The following MYOCD variants were observed in gnomAD, a reference collection of about 807,000 sequenced individuals.
The protein encoded by MYOCD is myocardin.
MYOCD carries 32 observed loss-of-function variants against 96.1 expected under a neutral mutation model. That is an observed-to-expected ratio of 0.33 (90% CI 0.25 to 0.45). The LOEUF is 0.45. Ranked by LOEUF, MYOCD falls within the 20% of genes least tolerant of loss-of-function variation. MYOCD has a pLI of 1.00. For synonymous variants in MYOCD, 469 were observed against 469.0 expected (o/e 1.00, Z 0.00); for missense variants, 1,133 against 1,200.6 (o/e 0.94, Z 0.83).
intron 2 of MYOCD, 113 bp from the exon 3 acceptor site, chr17:12,715,406 A>G (rs2031608937): frequency 1.3e-6 from 1 of 759,376 alleles, no homozygotes; most frequent in Non-Finnish European, 2.1e-6. Context: ...TGGCCTAATA[A>G]AGGCAATCAC....
chr17:12,758,337 C>A, intron 12 of MYOCD, 124 bp downstream of exon 12: 1 of 1,352,206 alleles, frequency 7.4e-7, no homozygotes, highest in Non-Finnish European at 1.0e-6. Flanking sequence ...GCCATACCAC[C>A]AAAATAAGCA....
intron 2 of MYOCD, among the ~76,000 whole-genome samples, chr17:12,709,684 C>G (rs1231002177): frequency 6.6e-6 from 1 of 152,184 alleles, no homozygotes; most frequent in Non-Finnish European, 1.5e-5. Flanking sequence ...TTGCCATCAT[C>G]AACCAGGATT....
At chr17:12,729,330 G>C (rs750852017) in intron 5 of MYOCD, among the ~76,000 whole-genome samples, 5 of 152,186 alleles carry the variant, frequency 3.3e-5, no homozygotes, top group Non-Finnish European at 7.3e-5. Context: ...GTTGGAGCGT[G>C]TGGGAGTGGC....
intron 1 of MYOCD, among the ~76,000 whole-genome samples, chr17:12,698,459 T>C (rs974075820): frequency 1.3e-5 from 2 of 152,186 alleles, no homozygotes; most frequent in Non-Finnish European, 2.9e-5. Flanking sequence ...AAATTGAGTT[T>C]ATCTCCCCAG....
In MYOCD at chr17:12,722,924, A is replaced by C. The variant is rs1177590463; in HGVS notation, c.331A>C (p.Lys111Gln). The change falls in exon 5 of 14, where the codon AAA becomes CAA. Residue 111 changes from lysine (K) to glutamine (Q), a missense_variant. Coordinates refer to ENST00000425538, the MANE Select transcript of MYOCD (RefSeq NM_001146312.3). Reference sequence around the variant, plus strand: ...CCGACTCGCCGATGATCTCAATGAAAAAATTGCTCTACGACCAGGGCCACT... The same window carrying C: ...CCGACTCGCCGATGATCTCAATGAACAAATTGCTCTACGACCAGGGCCACT... Reference protein sequence around the residue: ...RARLADDLNEKIALRPGPLEL... With the variant: ...RARLADDLNEQIALRPGPLEL... The C allele has an allele frequency of 3.1e-6, 5 of 1,614,038 alleles. No homozygotes were observed. In the South Asian group the frequency reaches 5.5e-5, roughly 18 times the overall value.
Position 12,763,263 on chromosome 17 carries a change from T to C in MYOCD, c.2580T>C (p.Asn860=). Residue 860 remains asparagine, a synonymous_variant, in exon 14 of 14, where the codon AAT becomes AAC. Coordinates refer to ENST00000425538, the MANE Select transcript of MYOCD (RefSeq NM_001146312.3). ...DSDEHLEVLL[N]SQSPLGKMSD... ...ATGAGCATCTTGAAGTCTTATTAAA[T>C]TCCCAGAGCCCCCTAGGAAAGATGA... The C allele has an allele frequency of 6.2e-7, 1 of 1,613,790 alleles. No individual in the cohort carries two copies. Among genetic ancestry groups the C allele is most frequent in the Non-Finnish European group, 8.5e-7 (1 of 1,179,864 alleles).
chr17:12,665,987 T>G lies in MYOCD; in HGVS notation c.-202T>G. ...GGAGGAGGGTCCCGCCGGCTAAGAGTTAATTAGCCCCGCACGGCGAGGGGG... is the reference window on the plus strand; with the variant it reads ...GGAGGAGGGTCCCGCCGGCTAAGAGGTAATTAGCCCCGCACGGCGAGGGGG... On this transcript the variant is annotated 5_prime_UTR_variant, in exon 1 of 14. Coordinates refer to ENST00000425538, the MANE Select transcript of MYOCD (RefSeq NM_001146312.3). The surrounding 1 kb of genome is among the most constrained non-coding windows in gnomAD (Gnocchi z 4.2). 4 of 523,492 alleles carry G rather than the reference T, an allele frequency of 7.6e-6. No individual in the cohort carries two copies. The highest frequency in any genetic ancestry group is 2.0e-5 in the African/African-American group (1 of 51,176). 32.4% of individuals were successfully genotyped at this position (523,492 alleles called of 1,614,324 possible).
intron 2 of MYOCD, among the ~76,000 whole-genome samples, chr17:12,714,652 A>G (rs1303832059): frequency 6.6e-6 from 1 of 152,166 alleles, no homozygotes; most frequent in African/African-American, 2.4e-5. Context: ...ATGATGTTCT[A>G]CTTCTTTGCT....
In MYOCD at chr17:12,752,509, C is replaced by G. The variant is rs1302596797; in HGVS notation, c.1221C>G (p.Cys407Trp). The change falls in exon 10 of 14, where the codon TGC becomes TGG. Residue 407 changes from cysteine (C) to tryptophan (W), a missense_variant. Coordinates refer to ENST00000425538, the MANE Select transcript of MYOCD (RefSeq NM_001146312.3). The part of the protein sequence containing the change: ...LMDRLRPFQD[C>W]SGNPVPNFGD... ...ACCGGCTTCGACCCTTCCAGGACTG[C>G]TCTGGCAACCCAGTGCCGAACTTTG... 1 of 1,614,086 alleles carries G rather than the reference C, an allele frequency of 6.2e-7. No individual in the cohort carries two copies. The highest frequency in any genetic ancestry group is 2.2e-5 in the East Asian group (1 of 44,896).
At chr17:12,691,690 A>G (rs1375906396) in intron 1 of MYOCD, among the ~76,000 whole-genome samples, 1 of 152,234 alleles carries the variant, frequency 6.6e-6, no homozygotes, top group Non-Finnish European at 1.5e-5. Flanking sequence ...ACATTAAAAC[A>G]CAAGGTATAA....
At position 12,691,492 on chromosome 17, in the gene MYOCD, TC is replaced by T. The variant is rs143546799; in HGVS notation, c.56-13635del. On this transcript the variant is annotated intron_variant, in intron 1 of 13. Transcript: ENST00000425538. ...ACAGTCACCCAGCTGCCTGTTGGCT[TC>T]AGAAAGAAAACGGTACCCTACCTGA... Among the ~76,000 whole-genome samples the T allele has an allele frequency of 4.4e-4, 67 of 152,222 alleles. No homozygotes were observed. The East Asian group carries it at 9.3e-3, about 21-fold the overall frequency.
chr17:12,719,048 G>A lies in MYOCD; in HGVS notation c.253+1627G>A, dbSNP rs539436321. On this transcript the variant is annotated intron_variant, in intron 4 of 13. Coordinates refer to ENST00000425538, the MANE Select transcript of MYOCD (RefSeq NM_001146312.3). ...AACTTAGCCGGGTGTGGTGGTGGGC[G>A]CCTGTAGTCCCAGCTACTCAGGAGG... Among the ~76,000 whole-genome samples the A allele has an allele frequency of 9.2e-5, 14 of 151,720 alleles. No homozygotes were observed. In the South Asian group the frequency reaches 1.9e-3, roughly 20 times the overall value.
rs751096853 is a variant in MYOCD at position 12,722,856 on chromosome 17, C to T, written c.263C>T (p.Ala88Val). 7 of 1,612,594 alleles carry T rather than the reference C, an allele frequency of 4.3e-6. No homozygotes were observed. The highest frequency in any genetic ancestry group is 5.9e-6 in the Non-Finnish European group (7 of 1,179,212). ...CATTTCAACCCTTTAGCTTCCACTG[C>T]AGAGAGGTCCATTCCAACTGCTCAG... ...VNMHILQAST[A>V]ERSIPTAQMK... The change falls in exon 5 of 14, where the codon GCA (alanine) becomes GTA (valine). Residue 88 changes from alanine to valine, a missense_variant. Ala to Val is a moderately conservative substitution (Grantham distance 64). Transcript: ENST00000425538.
At chr17:12,717,568 C>G in intron 4 of MYOCD, 147 bp downstream of exon 4, 1 of 655,308 alleles carries the variant, frequency 1.5e-6, no homozygotes, top group Non-Finnish European at 2.6e-6. Context: ...TCATCTAAGC[C>G]TTCTAGGCCA....
chr17:12,761,110 C>T (rs2033157313), intron 13 of MYOCD: 1 of 167,566 alleles, frequency 6.0e-6, no homozygotes, highest in Admixed American at 5.8e-5. Flanking sequence ...CAATTAGCAA[C>T]CTTCCACTGG....
At chr17:12,744,083 G>T in intron 7 of MYOCD, 100 bp from the exon 8 acceptor site, 1 of 1,380,812 alleles carries the variant, frequency 7.2e-7, no homozygotes, top group Admixed American at 2.1e-5. Flanking sequence ...TGAGATCCAA[G>T]AATGGCCATC....
chr17:12,699,041 C>T (rs1257705793), intron 1 of MYOCD, among the ~76,000 whole-genome samples: 1 of 151,158 alleles, frequency 6.6e-6, no homozygotes, highest in East Asian at 2.0e-4. Flanking sequence ...CGCGCCCGGC[C>T]CCAGACCCTC....
chr17:12,745,193 A>T (rs994835619), intron 8 of MYOCD, among the ~76,000 whole-genome samples: 4 of 151,858 alleles, frequency 2.6e-5, no homozygotes, highest in African/African-American at 4.8e-5. Flanking sequence ...TATTTTTTTT[A>T]AATATATTTA....
chr17:12,746,821 C>T (rs569630489), intron 9 of MYOCD, among the ~76,000 whole-genome samples: 3 of 149,462 alleles, frequency 2.0e-5, no homozygotes, highest in African/African-American at 7.4e-5. Flanking sequence ...CTCTGCTTCC[C>T]GGCTTCAAGC....
Sources: gnomAD v4.1 joint callset for allele counts (sites outside exome capture counted in the v4.1 genomes callset) on GRCh38, gnomAD v4.1.1 for gene constraint, Gnocchi (gnomAD v3.1) non-coding constraint, MANE v1.5 for transcripts, NCBI Gene and HGNC (gene_info 2026-07-23, HGNC 2026-07-21) for gene names.